The following SEMA4B variants were observed in gnomAD, a reference collection of about 807,000 sequenced individuals.
SEMA4B encodes semaphorin 4B.
In SEMA4B, 55 loss-of-function variants were observed where a neutral mutation model predicts 88.1. The ratio of observed to expected loss-of-function variants is 0.62; its 90% CI spans 0.50 to 0.78. The LOEUF (loss-of-function observed/expected upper bound fraction) is 0.78, where lower values mean the gene tolerates loss of function less well. Ranked by LOEUF, SEMA4B falls within the 30% of genes least tolerant of loss-of-function variation. The probability of loss-of-function intolerance (pLI) is 0.00; values close to 1 mark genes in which losing one functional copy is unlikely to be tolerated. For missense variants in SEMA4B, 1,062 were observed against 1,111.9 expected, an observed-to-expected ratio of 0.96 and a Z score of 0.64; for synonymous variants, 525 against 473.6, an observed-to-expected ratio of 1.11 and a Z score of -1.41.
intron 1 of SEMA4B, among the ~76,000 whole-genome samples, chr15:90,208,122 C>G (rs1462946696): frequency 1.3e-5 from 2 of 152,020 alleles, no homozygotes; most frequent in South Asian, 4.1e-4. Context: ...GGCATGGTGG[C>G]AGGCACCTGT....
At chr15:90,221,803 A>T (rs752471932) in intron 7 of SEMA4B, 38 bp downstream of exon 7, 1 of 1,602,028 alleles carries the variant, frequency 6.2e-7, no homozygotes, top group Admixed American at 1.7e-5. Flanking sequence ...CACCCCAGGG[A>T]CCTCAAAGCC....
chr15:90,205,195 C>T (rs934623204), intron 1 of SEMA4B, among the ~76,000 whole-genome samples: 2 of 152,228 alleles, frequency 1.3e-5, no homozygotes, highest in Non-Finnish European at 1.5e-5. Context: ...GTCAACAAAA[C>T]GCCATTGAGC....
rs200758638 is a variant in SEMA4B at position 90,217,750 on chromosome 15, C to T, written c.322-17C>T. The T allele has an allele frequency of 2.5e-6, 4 of 1,612,932 alleles. No homozygotes were observed. The highest frequency in any genetic ancestry group is 2.7e-5 in the African/African-American group (2 of 74,884). Reference sequence around the variant, plus strand: ...CCCTCCATTTTGTCCACTACCTTCCCCTTTCTCATTCCCCAGCTGCTTTGG... The same window carrying T: ...CCCTCCATTTTGTCCACTACCTTCCTCTTTCTCATTCCCCAGCTGCTTTGG... On this transcript the variant is annotated splice_polypyrimidine_tract_variant and intron_variant, in intron 2 of 13. Transcript: ENST00000411539.
chr15:90,228,680 G>C lies in SEMA4B; in HGVS notation c.*37G>C. On this transcript the variant is annotated 3_prime_UTR_variant, in exon 14 of 14. Coordinates refer to ENST00000411539, the MANE Select transcript of SEMA4B (RefSeq NM_198925.4). ...CAGAGGACGCTGCCCTGGCTTCAGG[G>C]GCTGTGAATGCTCGGAGAGGGTCAA... The C allele has an allele frequency of 6.2e-7, 1 of 1,611,188 alleles. No homozygotes were observed. Among genetic ancestry groups the C allele is most frequent in the Non-Finnish European group, 8.5e-7 (1 of 1,179,308 alleles).
At chr15:90,209,040 A>G (rs1447665597) in intron 1 of SEMA4B, among the ~76,000 whole-genome samples, 1 of 152,028 alleles carries the variant, frequency 6.6e-6, no homozygotes, top group Non-Finnish European at 1.5e-5. Flanking sequence ...CTTCTCAGAC[A>G]CACTTTTGTG....
Position 90,201,330 on chromosome 15 carries a change from G to C in SEMA4B, c.-249G>C. 1 of 1,193,436 alleles carries C rather than the reference G, an allele frequency of 8.4e-7. No individual in the cohort carries two copies. Among genetic ancestry groups the C allele is most frequent in the Non-Finnish European group, 1.0e-6 (1 of 963,326 alleles). 73.9% of individuals were successfully genotyped at this position (1,193,436 alleles called of 1,614,324 possible). A position where few individuals can be genotyped will look rare whatever the true frequency, so the allele number is the denominator to read the frequency against. The stretch of plus-strand genomic sequence containing the variant: ...TCCTCCTTCAGCCCCGCCCTCCGCC[G>C]CTTGCGGGTGAGCTCTGCCCAAGCC... On this transcript the variant is annotated 5_prime_UTR_variant, in exon 1 of 14. Transcript: ENST00000411539.
chr15:90,227,882 C>G lies in SEMA4B; in HGVS notation c.1775-22C>G, dbSNP rs1962253552. On this transcript the variant is annotated intron_variant, in intron 13 of 13. Coordinates refer to ENST00000411539, the MANE Select transcript of SEMA4B (RefSeq NM_198925.4). Reference sequence around the variant, plus strand: ...ACTGTGGACGCTGGCACCCCCCTACCCCATGCCTTTTCTGCCTACAGGGGA... The same window carrying G: ...ACTGTGGACGCTGGCACCCCCCTACGCCATGCCTTTTCTGCCTACAGGGGA... 20 of 1,607,530 alleles carry G rather than the reference C, an allele frequency of 1.2e-5. No homozygotes were observed. The East Asian group carries it at 4.5e-4, about 36-fold the overall frequency.
Position 90,194,051 on chromosome 15 carries a change from C to A in SEMA4B, c.-121-7407C>A, listed in dbSNP as rs181787486. Among the ~76,000 whole-genome samples the A allele has an allele frequency of 3.5e-3, 536 of 152,004 alleles. 3 individuals are homozygous for A. The highest frequency in any genetic ancestry group is 0.011 in the African/African-American group (455 of 41,468). ...ATTTTTAGTAGAGACAGCGTTTCAT[C>A]ATGTTGGCCAGGCTGGTTTCGAACT... On this transcript the variant is annotated intron_variant, in intron 1 of 14. Coordinates refer to the SEMA4B transcript ENST00000332496.
chr15:90,227,643 G>A lies in SEMA4B; in HGVS notation c.1774+1G>A. The A allele has an allele frequency of 6.2e-7, 1 of 1,613,940 alleles. No homozygotes were observed. On this transcript the variant is annotated splice_donor_variant, in intron 13 of 13. Coordinates refer to ENST00000411539, the MANE Select transcript of SEMA4B (RefSeq NM_198925.4). LOFTEE classifies it high-confidence loss of function. Reference sequence around the variant, plus strand: ...GTGTCCCCGTCTTTTGTACCAACAGGTGAGGTGCCCCCTCAAAAGGTGGAG... The same window carrying A: ...GTGTCCCCGTCTTTTGTACCAACAGATGAGGTGCCCCCTCAAAAGGTGGAG...
In SEMA4B at chr15:90,228,437, C is replaced by T. The variant is rs771337233; in HGVS notation, c.2308C>T (p.Arg770Cys). 11 of 1,609,880 alleles carry T rather than the reference C, an allele frequency of 6.8e-6. No individual in the cohort carries two copies. Among genetic ancestry groups the T allele is most frequent in the Admixed American group, 3.4e-5 (2 of 59,560 alleles). The stretch of plus-strand genomic sequence containing the variant: ...CCCTGTGGTGCTGCCCCCTGAGACC[C>T]GCCCACTCAACGGCCTAGGGCCCCC... Reference protein sequence around the residue: ...TCPVVLPPETRPLNGLGPPST... With the variant: ...TCPVVLPPETCPLNGLGPPST... The change falls in exon 14 of 14, where the codon CGC becomes TGC. Residue 770 changes from arginine (R) to cysteine (C), a missense_variant. Transcript: ENST00000411539.
chr15:90,227,255 C>A (rs551258425), intron 12 of SEMA4B: 14 of 341,370 alleles, frequency 4.1e-5, no homozygotes, highest in African/African-American at 2.7e-4. Flanking sequence ...GCTATGTTGC[C>A]CAGGTTGTCT....
In SEMA4B at chr15:90,228,399, A is replaced by AC. The variant is rs1420557944; in HGVS notation, c.2274dup (p.Lys759GlnfsTer10). 3.1e-6 allele frequency: 5 copies of AC among 1,600,002 alleles called. No homozygotes were observed. In the African/African-American group the frequency reaches 6.7e-5, roughly 21 times the overall value. On this transcript the variant is annotated frameshift_variant, in exon 14 of 14. Transcript: ENST00000411539. LOFTEE classifies it high-confidence loss of function. ...AAGCAGGGGGAATGTGCCAGCGTGCACCCCAAGACCTGCCCTGTGGTGCTG... is the reference window on the plus strand; with the variant it reads ...AAGCAGGGGGAATGTGCCAGCGTGCACCCCCAAGACCTGCCCTGTGGTGCTG...
chr15:90,223,366 A>C (rs1937928069), intron 7 of SEMA4B, among the ~76,000 whole-genome samples, 193 bp from the exon 8 acceptor site: 1 of 152,152 alleles, frequency 6.6e-6, no homozygotes, highest in South Asian at 2.1e-4. Flanking sequence ...GGCTCTGCTT[A>C]GTTACAGTAA....
upstream of SEMA4B, chr15:90,184,943 C>G: frequency 1.0e-6 from 1 of 986,068 alleles, no homozygotes; most frequent in Middle Eastern, 5.2e-4. Flanking sequence ...CCGCGCCGGA[C>G]TGAGGCTGTG....
chr15:90,223,215 A>G (rs370896870), intron 7 of SEMA4B, among the ~76,000 whole-genome samples: 101 of 152,040 alleles, frequency 6.6e-4, no homozygotes, highest in African/African-American at 7.2e-4. Context: ...AAAGTGCTGG[A>G]ATTATAGGCA....
Position 90,225,760 on chromosome 15 carries a change from C to A in SEMA4B, c.1621C>A (p.Pro541Thr), listed in dbSNP as rs1962138404. 6.3e-7 allele frequency: 1 copy of A among 1,576,380 alleles called. No homozygotes were observed. Among genetic ancestry groups the A allele is most frequent in the Non-Finnish European group, 8.6e-7 (1 of 1,162,508 alleles). ...SCGDCLLARDPYCAWSGSSCK... is the reference protein window; with the variant it reads ...SCGDCLLARDTYCAWSGSSCK... ...TGGGGACTGCCTCCTCGCCCGGGAC[C>A]CCTACTGTGCTTGGAGCGGCTCCAG... Residue 541 changes from proline to threonine, a missense_variant, in exon 12 of 14, where the codon CCC becomes ACC. Physicochemically the swap from Pro to Thr is conservative, Grantham distance 38. Transcript: ENST00000411539.
chr15:90,226,602 G>A (rs61138888), intron 12 of SEMA4B, among the ~76,000 whole-genome samples: 4,463 of 152,238 alleles, frequency 0.029, 214 homozygotes, highest in African/African-American at 0.098. Context: ...TGGGCTCCCA[G>A]AGTGCCGGGA....
At chr15:90,208,299 T>G (rs747985101) in intron 1 of SEMA4B, among the ~76,000 whole-genome samples, 2 of 152,132 alleles carry the variant, frequency 1.3e-5, no homozygotes, top group South Asian at 2.1e-4. Flanking sequence ...TGCTGATATT[T>G]AAAACTTAGG....
chr15:90,185,607 G>C lies in SEMA4B; in HGVS notation c.-122+526G>C, dbSNP rs539322687. Among the ~76,000 whole-genome samples the C allele has an allele frequency of 2.0e-5, 3 of 152,290 alleles. No homozygotes were observed. In the East Asian group the frequency reaches 5.8e-4, roughly 29 times the overall value. On this transcript the variant is annotated intron_variant, in intron 1 of 14. Transcript: ENST00000332496. ...TAGCAGAAAGGCGAAGGAGCCCTGG[G>C]TCATCTCGGGAAGGTCATCAAATCT...
Sources: gnomAD v4.1 joint callset for allele counts (sites outside exome capture counted in the v4.1 genomes callset) on GRCh38, gnomAD v4.1.1 for gene constraint, MANE v1.5 for transcripts, NCBI Gene and HGNC (gene_info 2026-07-23, HGNC 2026-07-21) for gene names.